The following PDZRN4 variants were observed in gnomAD, a reference collection of about 807,000 sequenced individuals.
PDZRN4 encodes PDZ domain containing ring finger 4, also known as PDZ domain-containing RING finger protein 4.
In PDZRN4, 70 loss-of-function variants were observed where a neutral mutation model predicts 99.0. The observed-to-expected ratio is 0.71, with a 90% CI of 0.58 to 0.86. The LOEUF is 0.86. PDZRN4 is among the 40% of genes least tolerant of loss of function. The pLI is 0.00. For missense variants in PDZRN4, 1,474 were observed against 1,331.2 expected, an observed-to-expected ratio of 1.11 and a Z score of -1.67; for synonymous variants, 551 against 501.6, an observed-to-expected ratio of 1.10 and a Z score of -1.32.
intron 3 of PDZRN4, among the ~76,000 whole-genome samples, chr12:41,319,302 G>A (rs1475079474): frequency 6.6e-6 from 1 of 152,128 alleles, no homozygotes; most frequent in East Asian, 1.9e-4. Flanking sequence ...AGTAGTGGCT[G>A]TAATGATGAA....
rs1591959669 is a variant in PDZRN4, at chr12:41,188,362, C to A, written c.-94C>A. The stretch of plus-strand genomic sequence containing the variant: ...CCACCTCCCTCCACTGCCGCCGCCG[C>A]GAGACGGCTGCCCCGGGGGTGGCCC... On this transcript the variant is annotated 5_prime_UTR_variant, in exon 1 of 10. Transcript: ENST00000402685. 9 of 1,253,330 alleles carry A rather than the reference C, an allele frequency of 7.2e-6. No homozygotes were observed. The highest frequency in any genetic ancestry group is 3.2e-5 in the South Asian group (2 of 63,096). 77.6% of individuals were successfully genotyped at this position (1,253,330 alleles called of 1,614,324 possible). A position where few individuals can be genotyped will look rare whatever the true frequency, so the allele number is the denominator to read the frequency against.
At chr12:41,305,123 G>T (rs1951560526) in intron 3 of PDZRN4, among the ~76,000 whole-genome samples, 3 of 152,178 alleles carry the variant, frequency 2.0e-5, no homozygotes, top group Admixed American at 2.0e-4. Context: ...CAGTAGAGGG[G>T]TGACATTATC....
At chr12:41,267,639 G>A (rs946191520) in intron 3 of PDZRN4, among the ~76,000 whole-genome samples, 4 of 148,024 alleles carry the variant, frequency 2.7e-5, no homozygotes, top group African/African-American at 1.0e-4. Flanking sequence ...GACCAGCCTC[G>A]CCAACATAAT....
Position 41,509,957 on chromosome 12 carries a change from C to T in PDZRN4, c.1203+44C>T, listed in dbSNP as rs7970526. The T allele has an allele frequency of 1.3e-3, 1,141 of 907,380 alleles. 8 individuals are homozygous for T. In the African/African-American group the frequency reaches 0.017, roughly 13 times the overall value. The allele number at this position is 907,380 out of a possible 1,614,324, so 56.2% of individuals were successfully genotyped here. A position where few individuals can be genotyped will look rare whatever the true frequency, so the allele number is the denominator to read the frequency against. On this transcript the variant is annotated intron_variant, in intron 5 of 9. Transcript: ENST00000402685. Reference sequence around the variant, plus strand: ...CACTTCACATTTCTTCATGAAGTTACGGTTGAGGGGTTTTGTATAACAAAG... The same window carrying T: ...CACTTCACATTTCTTCATGAAGTTATGGTTGAGGGGTTTTGTATAACAAAG...
At chr12:41,293,486 A>G (rs755269462) in intron 3 of PDZRN4, among the ~76,000 whole-genome samples, 23 of 151,422 alleles carry the variant, frequency 1.5e-4, no homozygotes, top group Non-Finnish European at 2.9e-4. Context: ...AGTGGCCCCA[A>G]CTCTCTCTGC....
At chr12:41,532,042 A>AT (rs754455345) in intron 5 of PDZRN4, among the ~76,000 whole-genome samples, 2 of 152,126 alleles carry the variant, frequency 1.3e-5, no homozygotes, top group Non-Finnish European at 1.5e-5. Context: ...TTGTATTCTA[A>AT]ATTTTTAAAA....
At chr12:41,251,271 T>C (rs1951167987) in intron 3 of PDZRN4, among the ~76,000 whole-genome samples, 1 of 152,164 alleles carries the variant, frequency 6.6e-6, no homozygotes, top group Non-Finnish European at 1.5e-5. Flanking sequence ...TCAGTCCTCT[T>C]CAATTAGGGC....
chr12:41,376,713 A>G (rs1205630575), intron 3 of PDZRN4, among the ~76,000 whole-genome samples: 2 of 151,912 alleles, frequency 1.3e-5, no homozygotes, highest in Admixed American at 1.3e-4. Context: ...TTTTCGTTGT[A>G]CAGAATCATT....
At chr12:41,263,602 A>G (rs1951258065) in intron 3 of PDZRN4, among the ~76,000 whole-genome samples, 2 of 152,142 alleles carry the variant, frequency 1.3e-5, no homozygotes, top group African/African-American at 4.8e-5. Flanking sequence ...CAGGAAAATC[A>G]TTTGAACCTG....
At chr12:41,197,873 A>G (rs1206911676) in intron 3 of PDZRN4, among the ~76,000 whole-genome samples, 1 of 117,164 alleles carries the variant, frequency 8.5e-6, no homozygotes, top group African/African-American at 3.2e-5. Flanking sequence ...CGATTCCTCT[A>G]TTCTTTCTTT....
At chr12:41,242,917 C>G (rs560570264) in intron 3 of PDZRN4, among the ~76,000 whole-genome samples, 1 of 152,320 alleles carries the variant, frequency 6.6e-6, no homozygotes, top group African/African-American at 2.4e-5. Context: ...ATAGAATTGG[C>G]AGAAGCATCT....
chr12:41,379,357 T>C (rs1407809921), intron 3 of PDZRN4, among the ~76,000 whole-genome samples: 1 of 151,086 alleles, frequency 6.6e-6, no homozygotes, highest in Non-Finnish European at 1.5e-5. Context: ...TTTTCTATTC[T>C]CTATTTCATT....
intron 3 of PDZRN4, among the ~76,000 whole-genome samples, chr12:41,397,097 A>C (rs1178951869): frequency 6.6e-6 from 1 of 152,162 alleles, no homozygotes; most frequent in East Asian, 1.9e-4. Flanking sequence ...AGTTTGGTGG[A>C]TATATTCTAC....
At chr12:41,258,148 C>T (rs767594511) in intron 3 of PDZRN4, among the ~76,000 whole-genome samples, 5 of 152,142 alleles carry the variant, frequency 3.3e-5, no homozygotes, top group Non-Finnish European at 7.4e-5. Context: ...TAATGTGAAG[C>T]TGACAGAGAT....
intron 3 of PDZRN4, among the ~76,000 whole-genome samples, chr12:41,340,035 A>G (rs1340797605): frequency 6.6e-6 from 1 of 152,064 alleles, no homozygotes; most frequent in African/African-American, 2.4e-5. Flanking sequence ...CAAAAAACTA[A>G]AAATAGACCT....
chr12:41,509,996 A>G (rs982566764), intron 5 of PDZRN4, 83 bp downstream of exon 5: 3 of 664,160 alleles, frequency 4.5e-6, no homozygotes, highest in African/African-American at 3.6e-5. Context: ...TTAATTTATT[A>G]CAGTGAGAAA....
chr12:41,366,474 G>A (rs897305949), intron 3 of PDZRN4, among the ~76,000 whole-genome samples: 2 of 151,944 alleles, frequency 1.3e-5, no homozygotes, highest in African/African-American at 4.8e-5. Context: ...AGAAGTTCCT[G>A]GTAATTTTCC....
At chr12:41,400,632 G>A (rs1952282807) in intron 3 of PDZRN4, among the ~76,000 whole-genome samples, 1 of 152,024 alleles carries the variant, frequency 6.6e-6, no homozygotes, top group Non-Finnish European at 1.5e-5. Context: ...GGAGTGAGTG[G>A]GGGGATGTAG....
intron 3 of PDZRN4, among the ~76,000 whole-genome samples, chr12:41,228,567 G>A (rs1019925989): frequency 1.3e-5 from 2 of 152,096 alleles, no homozygotes; most frequent in Non-Finnish European, 2.9e-5. Flanking sequence ...ACTGGGTTAA[G>A]GATCCCAGGA....
Sources: allele counts gnomAD v4.1 joint callset (sites outside exome capture counted in the v4.1 genomes callset), GRCh38; gene constraint gnomAD v4.1.1; transcripts MANE v1.5; gene names NCBI Gene and HGNC (gene_info 2026-07-23, HGNC 2026-07-21).